Variants in USP15 observed in about 807,000 individuals in gnomAD.
The protein encoded by USP15 is ubiquitin carboxyl-terminal hydrolase 15.
In USP15, 18 loss-of-function variants were observed where a neutral mutation model predicts 127.1. The observed-to-expected ratio is 0.14, with a 90% CI of 0.10 to 0.21. USP15 has a LOEUF of 0.21. Ranked by LOEUF, USP15 falls within the 10% of genes least tolerant of loss-of-function variation. The probability of loss-of-function intolerance (pLI) is 1.00; values close to 1 mark genes in which losing one functional copy is unlikely to be tolerated. For synonymous variants in USP15, 364 were observed against 393.7 expected, an observed-to-expected ratio of 0.92 and a Z score of 0.89; for missense variants, 805 against 1,159.9, an observed-to-expected ratio of 0.69 and a Z score of 4.44.
intron 1 of USP15, chr12:62,278,863 A>G (rs897752373): frequency 6.6e-6 from 1 of 152,190 alleles, no homozygotes; most frequent in African/African-American, 2.4e-5. Flanking sequence ...AGCATTGACT[A>G]CTGTACTGAA....
At chr12:62,304,296 A>T (rs566155482) in intron 3 of USP15, among the ~76,000 whole-genome samples, 16 of 152,200 alleles carry the variant, frequency 1.1e-4, no homozygotes, top group Non-Finnish European at 2.4e-4. Context: ...GAGACCACAT[A>T]CTTATTTTTA....
intron 3 of USP15, among the ~76,000 whole-genome samples, chr12:62,310,195 T>C (rs1389501192): frequency 2.6e-5 from 4 of 151,962 alleles, no homozygotes; most frequent in Admixed American, 2.6e-4. Flanking sequence ...ATTAGTGGTG[T>C]ACATGAGAAA....
At chr12:62,303,224 A>G (rs1185589255) in intron 3 of USP15, 2 of 177,466 alleles carry the variant, frequency 1.1e-5, no homozygotes, top group Non-Finnish European at 1.2e-5. Context: ...ATATCAGGAT[A>G]CAGACTTTGG....
chr12:62,349,926 T>A (rs2065918217), intron 7 of USP15, among the ~76,000 whole-genome samples: 1 of 151,970 alleles, frequency 6.6e-6, no homozygotes, highest in Non-Finnish European at 1.5e-5. Flanking sequence ...ATTGACATGT[T>A]TTTTTAATTC....
At chr12:62,353,771 A>G (rs2066033306) in intron 7 of USP15, among the ~76,000 whole-genome samples, 1 of 152,034 alleles carries the variant, frequency 6.6e-6, no homozygotes, top group African/African-American at 2.4e-5. Flanking sequence ...AATTGCTAAT[A>G]GGCGCTTTGT....
Position 62,404,405 on chromosome 12 carries a change from C to G in USP15, c.*30C>G. The G allele has an allele frequency of 6.5e-7, 1 of 1,534,270 alleles. No homozygotes were observed. The highest frequency in any genetic ancestry group is 8.8e-7 in the Non-Finnish European group (1 of 1,137,694). On this transcript the variant is annotated 3_prime_UTR_variant, in exon 22 of 22. Transcript: ENST00000280377. ...AGTCCTAGAAGCCATAAAAGAGACA[C>G]TTTCCTGCTGGTGGTATCTATGGAA... is the stretch of plus-strand genomic sequence containing the variant.
intron 3 of USP15, among the ~76,000 whole-genome samples, chr12:62,312,655 T>C (rs140337400): frequency 1.0e-3 from 157 of 151,780 alleles, no homozygotes; most frequent in African/African-American, 3.7e-3. Context: ...CTATCATCTA[T>C]AATACTGAAA....
intron 14 of USP15, among the ~76,000 whole-genome samples, chr12:62,390,619 T>G (rs1470924512): frequency 3.9e-5 from 6 of 152,128 alleles, no homozygotes; most frequent in Non-Finnish European, 8.8e-5. Context: ...AGTTGAGAAA[T>G]TATTTGCAAC....
Position 62,408,587 on chromosome 12 carries a change from T to C in USP15, c.*4212T>C, listed in dbSNP as rs1057441321. On this transcript the variant is annotated 3_prime_UTR_variant, in exon 22 of 22. Transcript: ENST00000280377. ...AATAAAAAATTTTTTGCTCTTTGAA[T>C]AACTTAACATGAGGAATTTGGAAAC... The C allele has an allele frequency of 1.3e-5, 2 of 152,166 alleles. No homozygotes were observed. The highest frequency in any genetic ancestry group is 4.8e-5 in the African/African-American group (2 of 41,448). The allele number at this position is 152,166 out of a possible 1,614,324, so 9.4% of individuals were successfully genotyped here.
chr12:62,271,229 A>G (rs1403887029), intron 1 of USP15, among the ~76,000 whole-genome samples: 1 of 152,110 alleles, frequency 6.6e-6, no homozygotes, highest in Admixed American at 6.6e-5. Flanking sequence ...TACCCTTTAA[A>G]TAATGCTTTA....
At chr12:62,337,436 C>T (rs1029281317) in intron 6 of USP15, among the ~76,000 whole-genome samples, 3 of 151,986 alleles carry the variant, frequency 2.0e-5, no homozygotes, top group African/African-American at 7.3e-5. Flanking sequence ...CAGAGAAACT[C>T]CCGTTTTGTT....
chr12:62,405,903 T>G lies in USP15; in HGVS notation c.*1528T>G, dbSNP rs2067851090. Reference sequence around the variant, plus strand: ...CAGGATAAATGAGGTATGTTGATCATGGCTTTGCTTTATATCTTGATATTA... The same window carrying G: ...CAGGATAAATGAGGTATGTTGATCAGGGCTTTGCTTTATATCTTGATATTA... On this transcript the variant is annotated 3_prime_UTR_variant, in exon 22 of 22. Coordinates refer to ENST00000280377, the MANE Select transcript of USP15 (RefSeq NM_001252078.2). 6.6e-6 allele frequency: 1 copy of G among 152,402 alleles called. No homozygotes were observed. The highest frequency in any genetic ancestry group is 2.4e-5 in the African/African-American group (1 of 41,418). 9.4% of individuals were successfully genotyped at this position (152,402 alleles called of 1,614,324 possible). A position where few individuals can be genotyped will look rare whatever the true frequency, so the allele number is the denominator to read the frequency against.
At position 62,343,264 on chromosome 12, in the gene USP15, A is replaced by G. The variant is rs115984847; in HGVS notation, c.684-5957A>G. Among the ~76,000 whole-genome samples, 1,068 of 152,252 alleles carry G rather than the reference A, an allele frequency of 7.0e-3. 9 individuals carry two copies. The highest frequency in any genetic ancestry group is 0.023 in the African/African-American group (974 of 41,562). The stretch of plus-strand genomic sequence containing the variant: ...CAGTAATGGCAGATGCCCCTCCCCT[A>G]AACAAGCTCGATCGTCCCAGGTCAA... On this transcript the variant is annotated intron_variant, in intron 6 of 21. Coordinates refer to ENST00000280377, the MANE Select transcript of USP15 (RefSeq NM_001252078.2).
intron 14 of USP15, 77 bp downstream of exon 14, chr12:62,390,065 T>A: frequency 3.1e-6 from 4 of 1,311,036 alleles, no homozygotes; most frequent in Non-Finnish European, 4.1e-6. Flanking sequence ...AATAAACACA[T>A]AAGGTACTAT....
At chr12:62,375,103 T>A (rs541162098) in intron 8 of USP15, among the ~76,000 whole-genome samples, 2 of 152,248 alleles carry the variant, frequency 1.3e-5, no homozygotes, top group East Asian at 3.9e-4. Flanking sequence ...TTTGATTATT[T>A]AGAATAATTC....
intron 8 of USP15, among the ~76,000 whole-genome samples, chr12:62,365,972 C>T (rs1279513371): frequency 6.6e-6 from 1 of 152,066 alleles, no homozygotes; most frequent in Non-Finnish European, 1.5e-5. Context: ...AGTATAGTTT[C>T]AAGTCAGGTA....
At chr12:62,317,261 G>T (rs975631941) in intron 4 of USP15, among the ~76,000 whole-genome samples, 1 of 152,112 alleles carries the variant, frequency 6.6e-6, no homozygotes, top group Non-Finnish European at 1.5e-5. Context: ...TATAGTACAG[G>T]TTAACAGTTG....
At chr12:62,335,173 C>T in intron 6 of USP15, 1 of 1,535,636 alleles carries the variant, frequency 6.5e-7, no homozygotes, top group Non-Finnish European at 8.7e-7. Flanking sequence ...TAGAAAGCCA[C>T]TAGAGCAGAG....
At chr12:62,352,852 G>T (rs912213808) in intron 7 of USP15, among the ~76,000 whole-genome samples, 3 of 151,826 alleles carry the variant, frequency 2.0e-5, no homozygotes, top group Admixed American at 2.0e-4. Context: ...TGTATTTTTA[G>T]TGTATTTTTA....
Sources: allele counts gnomAD v4.1 joint callset (sites outside exome capture counted in the v4.1 genomes callset), GRCh38; gene constraint gnomAD v4.1.1; transcripts MANE v1.5; gene names NCBI Gene and HGNC (gene_info 2026-07-23, HGNC 2026-07-21).